EYS: variants seen among roughly 807,000 people sequenced by gnomAD.
EYS encodes the protein EGF-like photoreceptor maintenance factor, also known as protein eyes shut homolog.
Under a neutral mutation model 282.1 loss-of-function variants are expected in EYS, and 250 were observed. That is an observed-to-expected ratio of 0.89 (90% confidence interval 0.80 to 0.98). EYS has a LOEUF of 0.98. EYS is among the 50% of genes least tolerant of loss of function. EYS has a pLI of 0.00. For missense variants in EYS, 4,016 were observed against 3,709.0 expected, an observed-to-expected ratio of 1.08 and a Z score of -2.15; for synonymous variants, 1,355 against 1,282.9, an observed-to-expected ratio of 1.06 and a Z score of -1.20.
chr6:65,490,352 T>C, intron 5 of EYS: 3 of 327,128 alleles, frequency 9.2e-6, no homozygotes, highest in Middle Eastern at 9.0e-4. Context: ...AGTAATTTTA[T>C]GGTGAAAAGC....
intron 26 of EYS, among the ~76,000 whole-genome samples, chr6:64,489,306 G>A (rs939649319): frequency 6.6e-6 from 1 of 150,558 alleles, no homozygotes; most frequent in Admixed American, 6.7e-5. Flanking sequence ...TGGTTAAGGG[G>A]CTTTCAAATT....
intron 22 of EYS, among the ~76,000 whole-genome samples, chr6:64,702,254 C>T (rs1246839398): frequency 1.3e-5 from 2 of 151,940 alleles, no homozygotes; most frequent in Admixed American, 6.6e-5. Flanking sequence ...ACCCTTTCTA[C>T]AAAGATGAAA....
chr6:64,329,656 C>A (rs939899056), intron 29 of EYS, among the ~76,000 whole-genome samples: 1 of 152,108 alleles, frequency 6.6e-6, no homozygotes, highest in Non-Finnish European at 1.5e-5. Context: ...CCCATTCCAG[C>A]AGAAGCCACC....
intron 28 of EYS, among the ~76,000 whole-genome samples, chr6:64,392,445 A>G (rs1037356340): frequency 1.3e-5 from 2 of 151,190 alleles, no homozygotes; most frequent in Non-Finnish European, 2.9e-5. Context: ...CCACACTGCA[A>G]TCAAACTAGA....
chr6:65,679,733 T>C (rs372257697), intron 1 of EYS, among the ~76,000 whole-genome samples: 1 of 151,944 alleles, frequency 6.6e-6, no homozygotes, highest in Non-Finnish European at 1.5e-5. Flanking sequence ...TTCCTTGTTA[T>C]GACAAATTAA....
chr6:64,963,174 T>C (rs919792554), intron 14 of EYS, among the ~76,000 whole-genome samples: 2 of 152,194 alleles, frequency 1.3e-5, no homozygotes, highest in Non-Finnish European at 2.9e-5. Flanking sequence ...ATTCTAAAGA[T>C]AGTTACTGCA....
At chr6:65,387,518 A>G (rs1230648782) in intron 7 of EYS, among the ~76,000 whole-genome samples, 1 of 151,922 alleles carries the variant, frequency 6.6e-6, no homozygotes, top group African/African-American at 2.4e-5. Flanking sequence ...TTTTACTAAC[A>G]GTAAAAATTA....
At chr6:65,299,370 C>T (rs964225246) in intron 11 of EYS, among the ~76,000 whole-genome samples, 12 of 151,984 alleles carry the variant, frequency 7.9e-5, no homozygotes, top group Non-Finnish European at 1.5e-4. Context: ...CAGATATCAA[C>T]ACTTCCTTTT....
At chr6:65,290,498 G>T (rs1442304072) in intron 12 of EYS, among the ~76,000 whole-genome samples, 3 of 150,988 alleles carry the variant, frequency 2.0e-5, no homozygotes, top group Non-Finnish European at 3.0e-5. Flanking sequence ...TTTTAAATGT[G>T]AATATTATAA....
intron 29 of EYS, among the ~76,000 whole-genome samples, chr6:64,375,548 G>T (rs1055222061): frequency 2.0e-5 from 3 of 152,166 alleles, no homozygotes; most frequent in Admixed American, 2.0e-4. Context: ...ACATGCAGGT[G>T]AGGGTGTGGG....
At chr6:65,409,664 T>C (rs1050213710) in intron 5 of EYS, among the ~76,000 whole-genome samples, 1 of 152,164 alleles carries the variant, frequency 6.6e-6, no homozygotes, top group African/African-American at 2.4e-5. Flanking sequence ...AATCACTATA[T>C]AGTGCAAGAG....
rs902935825 is a variant in EYS at position 65,330,725 on chromosome 6, T to C, written c.1766+4255A>G. On this transcript the variant is annotated intron_variant, in intron 11 of 42. Transcript: ENST00000503581. ...ACTATCATTATTTTGCCTTATAAAT[T>C]GAGTTTAATTGAAAAATTTCTCCAT... 4 of 950,084 alleles carry C rather than the reference T, an allele frequency of 4.2e-6. No homozygotes were observed. In the Admixed American group the frequency reaches 2.5e-4, roughly 59 times the overall value. 58.9% of individuals were successfully genotyped at this position (950,084 alleles called of 1,614,324 possible). A position where few individuals can be genotyped will look rare whatever the true frequency, so the allele number is the denominator to read the frequency against.
chr6:63,936,678 C>T (rs1253782589), intron 35 of EYS, among the ~76,000 whole-genome samples: 4 of 152,132 alleles, frequency 2.6e-5, no homozygotes, highest in African/African-American at 9.7e-5. Context: ...TTTTTATATG[C>T]CAGGTATAAC....
intron 11 of EYS, among the ~76,000 whole-genome samples, chr6:65,312,978 C>T (rs775913605): frequency 6.9e-4 from 105 of 151,552 alleles, no homozygotes; most frequent in Non-Finnish European, 1.3e-3. Context: ...TTTTGCTTTA[C>T]TCCAGTCCTC....
chr6:65,045,606 A>G (rs1773077998), intron 13 of EYS, among the ~76,000 whole-genome samples: 1 of 151,858 alleles, frequency 6.6e-6, no homozygotes, highest in South Asian at 2.1e-4. Context: ...GAAGATAACC[A>G]CATATGAGGA....
intron 31 of EYS, among the ~76,000 whole-genome samples, chr6:64,089,391 C>T (rs902692288): frequency 2.7e-5 from 4 of 149,126 alleles, no homozygotes; most frequent in African/African-American, 9.8e-5. Flanking sequence ...ATTTTAAATA[C>T]TATATATAAA....
At chr6:63,734,455 T>C (rs923045434) in intron 41 of EYS, among the ~76,000 whole-genome samples, 2 of 152,124 alleles carry the variant, frequency 1.3e-5, no homozygotes, top group African/African-American at 4.8e-5. Context: ...CTTTGGTTGC[T>C]GCACTGAGAA....
chr6:64,971,958 T>C (rs1236144642), intron 14 of EYS, among the ~76,000 whole-genome samples: 1 of 152,100 alleles, frequency 6.6e-6, no homozygotes, highest in African/African-American at 2.4e-5. Context: ...AGATTTATGA[T>C]GATGCCAATC....
At chr6:65,348,618 A>T (rs1193183314) in intron 9 of EYS, among the ~76,000 whole-genome samples, 1 of 151,632 alleles carries the variant, frequency 6.6e-6, no homozygotes, top group East Asian at 1.9e-4. Flanking sequence ...TATTCTGGTT[A>T]TTAATCCCTT....
Sources: allele counts gnomAD v4.1 joint callset (sites outside exome capture counted in the v4.1 genomes callset), GRCh38; gene constraint gnomAD v4.1.1; transcripts MANE v1.5; gene names NCBI Gene and HGNC (gene_info 2026-07-23, HGNC 2026-07-21).